BTBD9: variants seen among roughly 807,000 people sequenced by gnomAD.
BTBD9 encodes BTB/POZ domain-containing protein 9.
BTBD9 carries 49 observed loss-of-function variants against 64.3 expected under a neutral mutation model. That is an observed-to-expected ratio of 0.76 (90% CI 0.61 to 0.97). The LOEUF (loss-of-function observed/expected upper bound fraction) is 0.97. Among genes scored for constraint, BTBD9 ranks in the 50% least tolerant of loss-of-function variants. The probability of loss-of-function intolerance (pLI) is 0.00; values close to 1 mark genes in which losing one functional copy is unlikely to be tolerated. For synonymous variants in BTBD9, 260 were observed against 274.7 expected (o/e 0.95, Z 0.53); for missense variants, 598 against 762.1 (o/e 0.78, Z 2.53).
chr6:38,480,545 A>G (rs944418305), intron 6 of BTBD9, among the ~76,000 whole-genome samples: 4 of 152,162 alleles, frequency 2.6e-5, no homozygotes. Flanking sequence ...AACTCTTTTC[A>G]AGAAATCAGT....
chr6:38,571,120 T>A (rs1775745505), intron 6 of BTBD9, among the ~76,000 whole-genome samples: 1 of 152,226 alleles, frequency 6.6e-6, no homozygotes, highest in Admixed American at 6.5e-5. Context: ...ATGAAACTAA[T>A]CCTGTTTCTT....
intron 6 of BTBD9, among the ~76,000 whole-genome samples, chr6:38,493,347 C>T (rs779734658): frequency 6.6e-6 from 1 of 152,100 alleles, no homozygotes; most frequent in African/African-American, 2.4e-5. Flanking sequence ...ACAGCAGGGG[C>T]TTTTAGTTTT....
intron 6 of BTBD9, among the ~76,000 whole-genome samples, chr6:38,542,194 C>T (rs1392024160): frequency 6.6e-6 from 1 of 152,192 alleles, no homozygotes; most frequent in African/African-American, 2.4e-5. Flanking sequence ...TTTCTAAGAA[C>T]AAGTCTTGCG....
At chr6:38,251,716 C>T (rs977213708) in intron 9 of BTBD9, among the ~76,000 whole-genome samples, 3 of 151,864 alleles carry the variant, frequency 2.0e-5, no homozygotes, top group African/African-American at 4.8e-5. Flanking sequence ...CATGGTGAAA[C>T]CCTATCTCTA....
intron 6 of BTBD9, among the ~76,000 whole-genome samples, chr6:38,391,082 TACTC>T (rs774989477): frequency 3.9e-5 from 6 of 152,228 alleles, no homozygotes; most frequent in South Asian, 2.1e-4. Flanking sequence ...CTTCACGTCT[TACTC>T]ATTCATTCAG....
At chr6:38,633,081 T>C (rs1331133300) in intron 1 of BTBD9, among the ~76,000 whole-genome samples, 1 of 152,200 alleles carries the variant, frequency 6.6e-6, no homozygotes, top group East Asian at 1.9e-4. Context: ...CCAGCCCCCA[T>C]TCCCTTCCAT....
At chr6:38,220,578 T>C (rs1763168016) in intron 9 of BTBD9, among the ~76,000 whole-genome samples, 2 of 152,238 alleles carry the variant, frequency 1.3e-5, no homozygotes, top group Admixed American at 6.5e-5. Context: ...ATAATGCAGA[T>C]TTATCACAAT....
At chr6:38,277,578 C>T (rs932040593) in intron 8 of BTBD9, among the ~76,000 whole-genome samples, 1 of 152,160 alleles carries the variant, frequency 6.6e-6, no homozygotes, top group African/African-American at 2.4e-5. Flanking sequence ...AGGTGATCCG[C>T]CTGCCTTGGC....
intron 9 of BTBD9, among the ~76,000 whole-genome samples, chr6:38,237,610 A>T (rs1330459911): frequency 1.3e-5 from 2 of 152,246 alleles, no homozygotes; most frequent in Non-Finnish European, 2.9e-5. Context: ...GTAAATGGTT[A>T]CCAAGATGCC....
chr6:38,515,551 T>C (rs1275719700), intron 6 of BTBD9, among the ~76,000 whole-genome samples: 5 of 152,196 alleles, frequency 3.3e-5, no homozygotes, highest in Non-Finnish European at 7.3e-5. Context: ...AGTGTTATTT[T>C]CTTACTACTA....
At chr6:38,366,823 T>C (rs1232593384) in intron 6 of BTBD9, among the ~76,000 whole-genome samples, 1 of 152,254 alleles carries the variant, frequency 6.6e-6, no homozygotes, top group Non-Finnish European at 1.5e-5. Flanking sequence ...AATGATCTTT[T>C]CTTCACGTGA....
intron 6 of BTBD9, among the ~76,000 whole-genome samples, chr6:38,463,034 G>A (rs1770174616): frequency 1.3e-5 from 2 of 152,306 alleles, no homozygotes; most frequent in South Asian, 2.1e-4. Context: ...GGGCTCAAGT[G>A]ATCTGCCTGC....
chr6:38,451,463 A>C (rs1769540747), intron 6 of BTBD9, among the ~76,000 whole-genome samples: 1 of 152,170 alleles, frequency 6.6e-6, no homozygotes, highest in Non-Finnish European at 1.5e-5. Context: ...CTCAGGTAAC[A>C]AGCAATTTTT....
At chr6:38,435,233 T>C (rs1768660276) in intron 6 of BTBD9, among the ~76,000 whole-genome samples, 1 of 151,600 alleles carries the variant, frequency 6.6e-6, no homozygotes, top group African/African-American at 2.4e-5. Context: ...ATTCCCTATG[T>C]TCCATATCCT....
At chr6:38,577,859 A>C in intron 5 of BTBD9, 140 bp from the exon 6 acceptor site, 1 of 786,224 alleles carries the variant, frequency 1.3e-6, no homozygotes. Context: ...TTCTAATAAC[A>C]AAAGAATGTT....
rs116124245 is a variant in BTBD9 at position 38,447,121 on chromosome 6, T to C, written c.1155-102028A>G. Among the ~76,000 whole-genome samples, 281 of 152,346 alleles carry C rather than the reference T, an allele frequency of 1.8e-3. 1 individual carries two copies. The highest frequency in any genetic ancestry group is 6.3e-3 in the African/African-American group (263 of 41,586). On this transcript the variant is annotated intron_variant, in intron 6 of 10. Coordinates refer to ENST00000481247, the MANE Select transcript of BTBD9 (RefSeq NM_001099272.2). ...AAAGAGTACTTGACCACAGTATTTG[T>C]TGTTTAGCAAGTAAATGAAAATATA... is the stretch of plus-strand genomic sequence containing the variant.
chr6:38,412,762 G>A (rs1328486252), intron 6 of BTBD9, among the ~76,000 whole-genome samples: 1 of 152,094 alleles, frequency 6.6e-6, no homozygotes, highest in Non-Finnish European at 1.5e-5. Context: ...AGGAGGCTGA[G>A]GCTGGAGAAT....
At chr6:38,491,984 C>T (rs191320312) in intron 6 of BTBD9, among the ~76,000 whole-genome samples, 141 of 152,224 alleles carry the variant, frequency 9.3e-4, no homozygotes, top group African/African-American at 3.0e-3. Flanking sequence ...AACTACACTA[C>T]AAATAGCTTT....
At chr6:38,191,470 C>T (rs1032599238) in intron 10 of BTBD9, among the ~76,000 whole-genome samples, 2 of 152,180 alleles carry the variant, frequency 1.3e-5, no homozygotes, top group East Asian at 1.9e-4. Flanking sequence ...CAAGCTGTCA[C>T]GCTGGTTATT....
Sources: gnomAD v4.1 joint callset for allele counts (sites outside exome capture counted in the v4.1 genomes callset) on GRCh38, gnomAD v4.1.1 for gene constraint, MANE v1.5 for transcripts, NCBI Gene and HGNC (gene_info 2026-07-23, HGNC 2026-07-21) for gene names.